The following RALGPS2 variants were observed in gnomAD, a reference collection of about 807,000 sequenced individuals.
The protein encoded by RALGPS2 is ras-specific guanine nucleotide-releasing factor RalGPS2.
In RALGPS2, 43 loss-of-function variants were observed where a neutral mutation model predicts 86.8. The ratio of observed to expected loss-of-function variants is 0.50; its 90% CI spans 0.39 to 0.64. RALGPS2 has a LOEUF of 0.64. Among genes scored for constraint, RALGPS2 ranks in the 30% least tolerant of loss-of-function variants. RALGPS2 has a pLI of 0.00. For missense variants in RALGPS2, 536 were observed against 694.6 expected (o/e 0.77, Z 2.57); for synonymous variants, 243 against 231.3 (o/e 1.05, Z -0.46).
intron 1 of RALGPS2, among the ~76,000 whole-genome samples, chr1:178,744,235 T>TA (rs1244646181): frequency 2.6e-5 from 4 of 151,890 alleles, no homozygotes; most frequent in East Asian, 1.9e-4. Context: ...CTACATTAAG[T>TA]AAAAAAAACT....
Position 178,775,414 on chromosome 1 carries a change from A to G in RALGPS2, c.-83-1268A>G, listed in dbSNP as rs1251934544. Among the ~76,000 whole-genome samples the G allele has an allele frequency of 3.9e-5, 6 of 152,154 alleles. No homozygotes were observed. The South Asian group carries it at 1.0e-3, about 26-fold the overall frequency. ...AAGTGAATGTAGCATAGAGTACCTA[A>G]TTTATAGACACTTACCATTTCTCTT... On this transcript the variant is annotated intron_variant, in intron 1 of 19. Transcript: ENST00000367635.
chr1:178,888,597 A>G (rs1659588024), intron 13 of RALGPS2, among the ~76,000 whole-genome samples: 1 of 152,172 alleles, frequency 6.6e-6, no homozygotes. Flanking sequence ...GCCACAAATC[A>G]AAGGATAATG....
At chr1:178,785,926 C>A (rs1284560694) in intron 4 of RALGPS2, among the ~76,000 whole-genome samples, 1 of 151,976 alleles carries the variant, frequency 6.6e-6, no homozygotes, top group Non-Finnish European at 1.5e-5. Context: ...TGACCAAAAG[C>A]CTTACTGGTA....
intron 8 of RALGPS2, among the ~76,000 whole-genome samples, chr1:178,843,941 C>T (rs1656739758): frequency 6.6e-6 from 1 of 152,150 alleles, no homozygotes. Flanking sequence ...GTAATGACTG[C>T]TTTGCCTTAT....
At chr1:178,786,072 G>A (rs569883968) in intron 4 of RALGPS2, among the ~76,000 whole-genome samples, 82 of 152,204 alleles carry the variant, frequency 5.4e-4, no homozygotes, top group African/African-American at 1.8e-3. Context: ...TTCAGGGGAA[G>A]CGGATCATCA....
chr1:178,876,170 G>A (rs1300500660), intron 8 of RALGPS2, among the ~76,000 whole-genome samples: 2 of 152,124 alleles, frequency 1.3e-5, no homozygotes, highest in African/African-American at 4.8e-5. Flanking sequence ...GCAAGATAGA[G>A]CAACTGCCTT....
At chr1:178,909,787 G>A (rs947636152) in intron 19 of RALGPS2, among the ~76,000 whole-genome samples, 17 of 151,146 alleles carry the variant, frequency 1.1e-4, no homozygotes, top group Non-Finnish European at 3.0e-5. Context: ...GTAGCTGGGA[G>A]TACAGGCGTA....
At chr1:178,834,537 AC>A (rs944328263) in intron 8 of RALGPS2, among the ~76,000 whole-genome samples, 5 of 152,126 alleles carry the variant, frequency 3.3e-5, no homozygotes, top group Non-Finnish European at 7.4e-5. Context: ...ATTGTGGGAC[AC>A]CCTAGGATTG....
At chr1:178,877,082 G>A (rs1659038552) in intron 8 of RALGPS2, among the ~76,000 whole-genome samples, 1 of 152,084 alleles carries the variant, frequency 6.6e-6, no homozygotes, top group Non-Finnish European at 1.5e-5. Context: ...AACACACCTT[G>A]GAAAATGGAT....
intron 5 of RALGPS2, among the ~76,000 whole-genome samples, chr1:178,809,767 G>A (rs1280785360): frequency 6.6e-6 from 1 of 152,060 alleles, no homozygotes. Context: ...GGCTCTCCAA[G>A]AGAATGTTCC....
At chr1:178,796,224 CAT>C in intron 4 of RALGPS2, among the ~76,000 whole-genome samples, 1 of 152,010 alleles carries the variant, frequency 6.6e-6, no homozygotes, top group Middle Eastern at 3.4e-3. Flanking sequence ...ACAGCTTTAA[CAT>C]ATTGGGAGGA....
chr1:178,762,921 A>G (rs1408649734), intron 1 of RALGPS2, among the ~76,000 whole-genome samples: 6 of 152,126 alleles, frequency 3.9e-5, no homozygotes, highest in African/African-American at 1.4e-4. Context: ...GCCAGGGCCT[A>G]TGTCCAGAAT....
chr1:178,911,376 C>T (rs1484613533), intron 19 of RALGPS2, among the ~76,000 whole-genome samples: 1 of 152,050 alleles, frequency 6.6e-6, no homozygotes, highest in East Asian at 1.9e-4. Flanking sequence ...CTCTTTCTAA[C>T]TTCTTGACAT....
chr1:178,808,267 A>T (rs926418768), intron 5 of RALGPS2, 139 bp downstream of exon 5: 7 of 650,948 alleles, frequency 1.1e-5, no homozygotes, highest in African/African-American at 9.2e-5. Flanking sequence ...TCTGTGCATG[A>T]TCTCTTTTTT....
chr1:178,883,342 G>A (rs930516623), intron 10 of RALGPS2, 124 bp from the exon 11 acceptor site: 1 of 713,394 alleles, frequency 1.4e-6, no homozygotes, highest in Non-Finnish European at 2.4e-6. Flanking sequence ...TTGAAGAAAA[G>A]TATATAGGTC....
At chr1:178,887,528 A>C (rs955214917) in intron 13 of RALGPS2, among the ~76,000 whole-genome samples, 1 of 152,212 alleles carries the variant, frequency 6.6e-6, no homozygotes, top group Admixed American at 6.5e-5. Flanking sequence ...ATATGTCTTC[A>C]TCTATGATTA....
In RALGPS2 at chr1:178,917,909, C is replaced by T. The variant is rs1487090829; in HGVS notation, c.*1550C>T. 6.6e-6 allele frequency: 1 copy of T among 152,088 alleles called. No homozygotes were observed. The highest frequency in any genetic ancestry group is 1.5e-5 in the Non-Finnish European group (1 of 67,976). The allele number at this position is 152,088 out of a possible 1,614,324, so 9.4% of individuals were successfully genotyped here. A position where few individuals can be genotyped will look rare whatever the true frequency, so the allele number is the denominator to read the frequency against. ...ACTTTGGGCCTCACATAAAATTTCT[C>T]ACATTCGTATTCTTAGAGAATTTTA... is the stretch of plus-strand genomic sequence containing the variant. On this transcript the variant is annotated 3_prime_UTR_variant, in exon 20 of 20. Transcript: ENST00000367635.
At chr1:178,855,927 A>C (rs2102304759) in intron 8 of RALGPS2, among the ~76,000 whole-genome samples, 1 of 149,574 alleles carries the variant, frequency 6.7e-6, no homozygotes, top group South Asian at 2.1e-4. Context: ...CACGAATTAC[A>C]TTGAATATAT....
rs138042904 is a variant in RALGPS2, at chr1:178,800,352, A to G, written c.214-7693A>G. On this transcript the variant is annotated intron_variant, in intron 4 of 19. Transcript: ENST00000367635. ...GCAAAAAAAGTCAGACCTAAATTAC[A>G]TATGTTTTTGTAAAGTTACACCAAG... 5.7e-4 allele frequency among the ~76,000 whole-genome samples: 87 copies of G among 152,208 alleles called. 2 individuals carry two copies. The East Asian group carries it at 0.014, about 25-fold the overall frequency.
Sources: gnomAD v4.1 joint callset for allele counts (sites outside exome capture counted in the v4.1 genomes callset) on GRCh38, gnomAD v4.1.1 for gene constraint, MANE v1.5 for transcripts, NCBI Gene and HGNC (gene_info 2026-07-23, HGNC 2026-07-21) for gene names.